Variants in NKAIN2 observed in about 807,000 individuals in gnomAD.
NKAIN2 encodes sodium/potassium transporting ATPase interacting 2, also known as sodium/potassium-transporting ATPase subunit beta-1-interacting protein 2.
NKAIN2 carries 14 observed loss-of-function variants against 32.6 expected under a neutral mutation model. The ratio of observed to expected loss-of-function variants is 0.43; its 90% confidence interval spans 0.28 to 0.67. NKAIN2 has a LOEUF of 0.67. Ranked by LOEUF, NKAIN2 falls within the 30% of genes least tolerant of loss-of-function variation. The pLI is 0.17. For synonymous variants in NKAIN2, 80 were observed against 87.2 expected (o/e 0.92, Z 0.46); for missense variants, 198 against 258.3 (o/e 0.77, Z 1.60).
intron 2 of NKAIN2, among the ~76,000 whole-genome samples, chr6:124,307,810 A>T (rs1796564598): frequency 6.6e-6 from 1 of 152,132 alleles, no homozygotes; most frequent in Non-Finnish European, 1.5e-5. Context: ...GAAATGTTGC[A>T]ATAGTGTTTG....
intron 4 of NKAIN2, among the ~76,000 whole-genome samples, chr6:124,721,141 G>GGCTCA (rs1236197074): frequency 6.6e-6 from 1 of 152,160 alleles, no homozygotes; most frequent in African/African-American, 2.4e-5. Context: ...CGTTGGCCGG[G>GGCTCA]CGCGGTGGCT....
intron 3 of NKAIN2, among the ~76,000 whole-genome samples, chr6:124,526,747 C>T (rs1779329249): frequency 6.6e-6 from 1 of 152,084 alleles, no homozygotes; most frequent in Admixed American, 6.5e-5. Flanking sequence ...GGCATAGTCC[C>T]AAATCCCAAA....
chr6:124,308,016 T>C (rs9482530), intron 2 of NKAIN2, among the ~76,000 whole-genome samples: 10,145 of 152,214 alleles, frequency 0.067, 511 homozygotes, highest in East Asian at 0.25. Flanking sequence ...GATACATGTG[T>C]AGAACGTGTA....
chr6:124,240,491 C>T (rs1793026347), intron 1 of NKAIN2, among the ~76,000 whole-genome samples: 1 of 152,040 alleles, frequency 6.6e-6, no homozygotes, highest in Non-Finnish European at 1.5e-5. Context: ...GTGCAAAAAT[C>T]CTCAATAAAA....
intron 1 of NKAIN2, among the ~76,000 whole-genome samples, chr6:124,266,801 G>A (rs1794512424): frequency 6.6e-6 from 1 of 152,040 alleles, no homozygotes; most frequent in African/African-American, 2.4e-5. Flanking sequence ...ATATGGATGT[G>A]GATATAAACA....
intron 1 of NKAIN2, among the ~76,000 whole-genome samples, chr6:124,156,454 G>A (rs1326986683): frequency 6.6e-6 from 1 of 152,090 alleles, no homozygotes; most frequent in Non-Finnish European, 1.5e-5. Context: ...GAAGCAGGAG[G>A]AGTCAGTCAT....
rs367799257 is a variant in NKAIN2, at chr6:124,092,819, A to C, written c.55-190186A>C. ...CAAGAACTAGATAGAACTGAAAAACATCACCTGAATAGGGCTGATCTCAGT... is the reference window on the plus strand; with the variant it reads ...CAAGAACTAGATAGAACTGAAAAACCTCACCTGAATAGGGCTGATCTCAGT... On this transcript the variant is annotated intron_variant, in intron 1 of 6. Coordinates refer to ENST00000368417, the MANE Select transcript of NKAIN2 (RefSeq NM_001040214.3). Among the ~76,000 whole-genome samples, 514 of 152,218 alleles carry C rather than the reference A, an allele frequency of 3.4e-3. 30 individuals are homozygous for C. In the South Asian group the frequency reaches 0.093, roughly 28 times the overall value.
intron 2 of NKAIN2, among the ~76,000 whole-genome samples, chr6:124,339,788 G>T (rs548438388): frequency 1.3e-5 from 2 of 152,018 alleles, no homozygotes; most frequent in Non-Finnish European, 2.9e-5. Flanking sequence ...GAATATCTTC[G>T]AGAGAGCCAT....
At chr6:124,238,993 A>G (rs558700467) in intron 1 of NKAIN2, among the ~76,000 whole-genome samples, 2 of 152,286 alleles carry the variant, frequency 1.3e-5, no homozygotes, top group African/African-American at 4.8e-5. Flanking sequence ...GTCAAGACCC[A>G]TTGGTGTGCT....
At chr6:124,671,103 G>T (rs1773077122) in intron 4 of NKAIN2, among the ~76,000 whole-genome samples, 1 of 152,084 alleles carries the variant, frequency 6.6e-6, no homozygotes, top group Non-Finnish European at 1.5e-5. Flanking sequence ...CACGAAGGAT[G>T]TGATTTGTTC....
intron 3 of NKAIN2, among the ~76,000 whole-genome samples, chr6:124,472,718 TAAAAAAA>T (rs5879739): frequency 2.0e-5 from 3 of 148,932 alleles, no homozygotes; most frequent in Admixed American, 6.7e-5. Context: ...AGTAGGCAGA[TAAAAAAA>T]AAAAAGACCA....
intron 1 of NKAIN2, among the ~76,000 whole-genome samples, chr6:123,918,440 C>A (rs1312512562): frequency 6.6e-6 from 1 of 152,278 alleles, no homozygotes; most frequent in East Asian, 1.9e-4. Context: ...CTTCATTTCA[C>A]TCTGTTAGTG....
intron 1 of NKAIN2, among the ~76,000 whole-genome samples, chr6:124,198,348 T>A (rs528684787): frequency 6.6e-6 from 1 of 151,722 alleles, no homozygotes; most frequent in Non-Finnish European, 1.5e-5. Context: ...AGTTCTCTGT[T>A]GTTTTGGCCC....
intron 3 of NKAIN2, among the ~76,000 whole-genome samples, chr6:124,431,166 T>G (rs1201383675): frequency 6.6e-6 from 1 of 152,152 alleles, no homozygotes; most frequent in African/African-American, 2.4e-5. Flanking sequence ...CAGGCAAAGG[T>G]TGCTTGGGAA....
intron 3 of NKAIN2, among the ~76,000 whole-genome samples, chr6:124,572,985 G>A (rs765483273): frequency 3.0e-4 from 46 of 152,056 alleles, no homozygotes; most frequent in Admixed American, 9.8e-4. Flanking sequence ...GATTACAGGC[G>A]CGTGACACCA....
chr6:124,510,481 G>A (rs1778668342), intron 3 of NKAIN2, among the ~76,000 whole-genome samples: 1 of 152,132 alleles, frequency 6.6e-6, no homozygotes, highest in African/African-American at 2.4e-5. Context: ...TCTCATAAAT[G>A]TTAGTAAGTT....
At chr6:124,182,268 A>T (rs1363774906) in intron 1 of NKAIN2, among the ~76,000 whole-genome samples, 1 of 152,176 alleles carries the variant, frequency 6.6e-6, no homozygotes, top group Non-Finnish European at 1.5e-5. Context: ...GACATGTGGG[A>T]ATTATGGGAG....
rs755506777 is a variant in NKAIN2 at position 123,804,066 on chromosome 6, G to GGCAGCA, written c.-126_-121dup. ...AATGCCTGTCACTTCCCAGGACGCT[G>GGCAGCA]GCAGCAGCAGCAGCCCGGAGCCCCC... On this transcript the variant is annotated 5_prime_UTR_variant, in exon 1 of 7. Transcript: ENST00000368417. The GGCAGCA allele has an allele frequency of 8.2e-5, 68 of 833,032 alleles. 1 individual carries two copies. In the South Asian group the frequency reaches 8.2e-4, roughly 10 times the overall value. The allele number at this position is 833,032 out of a possible 1,614,324, so 51.6% of individuals were successfully genotyped here.
chr6:124,451,162 C>G (rs1776092360), intron 3 of NKAIN2, among the ~76,000 whole-genome samples: 1 of 152,032 alleles, frequency 6.6e-6, no homozygotes, highest in South Asian at 2.1e-4. Context: ...AAAGAAAAGC[C>G]AAGTGCATTA....
Sources: allele counts gnomAD v4.1 joint callset (sites outside exome capture counted in the v4.1 genomes callset), GRCh38; gene constraint gnomAD v4.1.1; transcripts MANE v1.5; gene names NCBI Gene and HGNC (gene_info 2026-07-23, HGNC 2026-07-21).